The following GRIN2A variants were observed in gnomAD, a reference collection of about 807,000 sequenced individuals.
GRIN2A encodes the protein glutamate receptor ionotropic, NMDA 2A.
A neutral mutation model predicts 113.4 loss-of-function variants in GRIN2A; 22 were observed. The observed-to-expected ratio is 0.19, with a 90% CI of 0.14 to 0.28. The LOEUF is 0.28. Ranked by LOEUF, GRIN2A falls within the 10% of genes least tolerant of loss-of-function variation. The pLI, the probability that GRIN2A is intolerant of heterozygous loss-of-function variation, is 1.00. For missense variants in GRIN2A, 1,502 were observed against 1,887.0 expected (o/e 0.80, Z 3.78); for synonymous variants, 827 against 738.4 (o/e 1.12, Z -1.94).
intron 2 of GRIN2A, among the ~76,000 whole-genome samples, chr16:10,139,075 CA>C (rs2049266196): frequency 6.6e-6 from 1 of 152,190 alleles, no homozygotes; most frequent in South Asian, 2.1e-4. Flanking sequence ...TGCCTCAGAA[CA>C]CCGGATGGAG....
chr16:10,078,632 G>A (rs1357023303), intron 2 of GRIN2A, among the ~76,000 whole-genome samples: 1 of 152,202 alleles, frequency 6.6e-6, no homozygotes. Context: ...GCTCCTCTGT[G>A]CTCTGCCCTC....
At chr16:10,087,956 C>G (rs995870682) in intron 2 of GRIN2A, among the ~76,000 whole-genome samples, 1 of 149,618 alleles carries the variant, frequency 6.7e-6, no homozygotes, top group Admixed American at 6.8e-5. Context: ...TCCCAAAGTG[C>G]TAGGATTACA....
intron 2 of GRIN2A, among the ~76,000 whole-genome samples, chr16:10,122,994 G>T (rs997000514): frequency 6.6e-6 from 1 of 152,146 alleles, no homozygotes; most frequent in African/African-American, 2.4e-5. Context: ...CAGCCATGAG[G>T]ACCTAATAAA....
At chr16:9,776,834 A>G (rs1304046110) in intron 11 of GRIN2A, among the ~76,000 whole-genome samples, 1 of 152,040 alleles carries the variant, frequency 6.6e-6, no homozygotes, top group African/African-American at 2.4e-5. Context: ...CAACTTTTTT[A>G]TGGGAAATCT....
At chr16:10,089,965 T>C (rs1429129575) in intron 2 of GRIN2A, among the ~76,000 whole-genome samples, 1 of 152,198 alleles carries the variant, frequency 6.6e-6, no homozygotes, top group Non-Finnish European at 1.5e-5. Flanking sequence ...TACTCTTTAG[T>C]TTGACATGGA....
At chr16:9,874,682 C>A (rs1414298888) in intron 4 of GRIN2A, among the ~76,000 whole-genome samples, 1 of 152,180 alleles carries the variant, frequency 6.6e-6, no homozygotes, top group East Asian at 1.9e-4. Flanking sequence ...TTGCCATATA[C>A]TTGCTTTGTA....
At chr16:9,795,246 G>A (rs1259975732) in intron 11 of GRIN2A, among the ~76,000 whole-genome samples, 1 of 152,168 alleles carries the variant, frequency 6.6e-6, no homozygotes, top group Non-Finnish European at 1.5e-5. Context: ...ACAGGTTGCA[G>A]TAAAGAAGCT....
chr16:9,797,617 C>T (rs1216918275), intron 11 of GRIN2A, among the ~76,000 whole-genome samples: 1 of 152,152 alleles, frequency 6.6e-6, no homozygotes, highest in Non-Finnish European at 1.5e-5. Context: ...GTGAGTCATG[C>T]CTGATAAGTC....
Position 10,136,566 on chromosome 16 carries a change from T to G in GRIN2A, c.414+43432A>C, listed in dbSNP as rs553715200. 1.9e-3 allele frequency among the ~76,000 whole-genome samples: 278 copies of G among 144,570 alleles called. 1 individual carries two copies. Among genetic ancestry groups the G allele is most frequent in the Non-Finnish European group, 3.2e-3 (209 of 65,370 alleles). The allele number at this position is 144,570 out of a possible 152,430, so 94.8% of individuals were successfully genotyped here. A position where few individuals can be genotyped will look rare whatever the true frequency, so the allele number is the denominator to read the frequency against. On this transcript the variant is annotated intron_variant, in intron 2 of 12. Coordinates refer to ENST00000330684, the MANE Select transcript of GRIN2A (RefSeq NM_001134407.3). ...ACTGATTAATAATTAATAAACTATC[T>G]CATTAAAAAAAGAAATCATTGCAAT...
rs373952509 is a variant in GRIN2A, at chr16:10,039,808, G to GAGA, written c.415-101258_415-101257insTCT. On this transcript the variant is annotated intron_variant, in intron 2 of 12. Coordinates refer to ENST00000330684, the MANE Select transcript of GRIN2A (RefSeq NM_001134407.3). ...AGGGGGAGGGGGAGGGGGAGGGGGG[G>GAGA]GAGAAAGAGAGAGAGAGAGAGAGAG... Among the ~76,000 whole-genome samples, 45 of 63,816 alleles carry GAGA rather than the reference G, an allele frequency of 7.1e-4. 2 individuals are homozygous for GAGA. Among genetic ancestry groups the GAGA allele is most frequent in the East Asian group, 3.4e-3 (4 of 1,166 alleles). 41.9% of individuals were successfully genotyped at this position (63,816 alleles called of 152,430 possible). A position where few individuals can be genotyped will look rare whatever the true frequency, so the allele number is the denominator to read the frequency against.
At position 9,822,359 on chromosome 16, in the gene GRIN2A, C is replaced by T; in HGVS notation, c.2073G>A (p.Glu691=). The T allele has an allele frequency of 6.2e-7, 1 of 1,612,694 alleles. No individual in the cohort carries two copies. Among genetic ancestry groups the T allele is most frequent in the Non-Finnish European group, 8.5e-7 (1 of 1,178,760 alleles). Residue 691 remains glutamate (E), a synonymous_variant, in exon 10 of 13, where the codon GAG becomes GAA. Coordinates refer to ENST00000330684, the MANE Select transcript of GRIN2A (RefSeq NM_001134407.3). The part of the protein sequence containing the change: ...RFGTVPNGST[E]RNIRNNYPYM... The stretch of plus-strand genomic sequence containing the variant: ...AGGGATAGTTATTCCGAATGTTTCT[C>T]TCCGTGCTTCCATTAGGCACTGTCC...
chr16:10,006,990 T>C (rs2046415110), intron 2 of GRIN2A, among the ~76,000 whole-genome samples: 1 of 152,262 alleles, frequency 6.6e-6, no homozygotes, highest in South Asian at 2.1e-4. Flanking sequence ...TAAATAGTAC[T>C]CCATTGTGTA....
chr16:9,798,979 C>T (rs1474251930), intron 10 of GRIN2A, among the ~76,000 whole-genome samples: 1 of 152,134 alleles, frequency 6.6e-6, no homozygotes, highest in African/African-American at 2.4e-5. Context: ...ATTAAAAATA[C>T]AATTAAAATT....
At chr16:10,075,391 G>T (rs1216800323) in intron 2 of GRIN2A, among the ~76,000 whole-genome samples, 1 of 151,934 alleles carries the variant, frequency 6.6e-6, no homozygotes, top group Non-Finnish European at 1.5e-5. Context: ...CCTAAAATAG[G>T]CAAATTTATA....
At chr16:9,932,565 T>C (rs2044620292) in intron 3 of GRIN2A, among the ~76,000 whole-genome samples, 1 of 151,368 alleles carries the variant, frequency 6.6e-6, no homozygotes, top group African/African-American at 2.4e-5. Flanking sequence ...TTTTTTTTAG[T>C]AGAGATAGGG....
chr16:9,773,977 G>C (rs367732929), intron 11 of GRIN2A, among the ~76,000 whole-genome samples: 13 of 105,092 alleles, frequency 1.2e-4, no homozygotes, highest in African/African-American at 4.8e-4. Flanking sequence ...AGGCAGTGTT[G>C]TGTGTGTGTG....
In GRIN2A at chr16:10,020,630, C is replaced by T. The variant is rs186272529; in HGVS notation, c.415-82079G>A. ...ATTCAAGAGAGTCATACTAGCTATA[C>T]GATACAAGGTTAATTGTTCTGATTC... On this transcript the variant is annotated intron_variant, in intron 2 of 12. Coordinates refer to ENST00000330684, the MANE Select transcript of GRIN2A (RefSeq NM_001134407.3). Among the ~76,000 whole-genome samples the T allele has an allele frequency of 3.3e-5, 5 of 152,128 alleles. No individual in the cohort carries two copies. The East Asian group carries it at 5.8e-4, about 18-fold the overall frequency.
Position 10,180,290 on chromosome 16 carries a change from C to T in GRIN2A, c.122G>A (p.Gly41Asp). Residue 41 changes from glycine (G) to aspartate (D), a missense_variant, in exon 2 of 13, where the codon GGT becomes GAT. By Grantham distance (94) the Gly-to-Asp change is moderately conservative. Transcript: ENST00000330684. This position sits in a 1 kb window ranked among gnomAD's most constrained non-coding sequence, Gnocchi z 7.0. ...PPALNIAVML[G>D]HSHDVTEREL... ...GCGCTCTGTCACGTCGTGGCTGTGA[C>T]CCAGCATCACCGCAATATTTAGCGC... 6.2e-7 allele frequency: 1 copy of T among 1,612,842 alleles called. No homozygotes were observed. The highest frequency in any genetic ancestry group is 8.5e-7 in the Non-Finnish European group (1 of 1,179,992).
chr16:9,937,877 C>G, intron 3 of GRIN2A, 82 bp downstream of exon 3: 1 of 983,038 alleles, frequency 1.0e-6, no homozygotes, highest in Non-Finnish European at 1.6e-6. Flanking sequence ...TGCGTATTTC[C>G]AACAATGAGT....
Sources: gnomAD v4.1 joint callset for allele counts (sites outside exome capture counted in the v4.1 genomes callset) on GRCh38, gnomAD v4.1.1 for gene constraint, Gnocchi (gnomAD v3.1) non-coding constraint, MANE v1.5 for transcripts, NCBI Gene and HGNC (gene_info 2026-07-23, HGNC 2026-07-21) for gene names.